The following LRP4 variants were observed in gnomAD, a reference collection of about 807,000 sequenced individuals.
LRP4 encodes the protein LDL receptor related protein 4.
Under a neutral mutation model 220.3 loss-of-function variants are expected in LRP4, and 95 were observed. That is an observed-to-expected ratio of 0.43 (90% CI 0.37 to 0.51). LRP4 has a LOEUF of 0.51. Among genes scored for constraint, LRP4 ranks in the 20% least tolerant of loss-of-function variants. LRP4 has a pLI of 0.00. For synonymous variants in LRP4, 903 were observed against 954.6 expected, an observed-to-expected ratio of 0.95 and a Z score of 1.00; for missense variants, 1,925 against 2,567.0, an observed-to-expected ratio of 0.75 and a Z score of 5.40.
In LRP4 at chr11:46,873,392, A is replaced by G. The variant is rs1465267019; in HGVS notation, c.4431T>C (p.Ala1477=). The G allele has an allele frequency of 1.9e-6, 3 of 1,614,192 alleles. No homozygotes were observed. Among genetic ancestry groups the G allele is most frequent in the South Asian group, 1.1e-5 (1 of 91,080 alleles). ...AAACTTACCCCTTCCTGGGGAAAAC[A>G]GCAATGGCCCGGGGCTCATCCAGGC... ...NNSLDEPRAI[A]VFPRKGYLFW... Residue 1477 remains alanine (A), a synonymous_variant, in exon 29 of 38, where the codon GCT becomes GCC. Transcript: ENST00000378623. The surrounding 1 kb of genome is among the most constrained non-coding windows in gnomAD (Gnocchi z 4.2).
At chr11:46,907,288 C>T (rs1008669590) in intron 1 of LRP4, among the ~76,000 whole-genome samples, 1 of 152,160 alleles carries the variant, frequency 6.6e-6, no homozygotes, top group African/African-American at 2.4e-5. Context: ...AAGGTCTGTC[C>T]GCAAGGTATC....
chr11:46,909,575 G>A (rs1326427360), intron 1 of LRP4, among the ~76,000 whole-genome samples: 1 of 99,912 alleles, frequency 1.0e-5, no homozygotes, highest in Non-Finnish European at 1.8e-5. Context: ...ACTGCAGTCC[G>A]CAGTCCGGCC....
rs1195710420 is a variant in LRP4, at chr11:46,896,250, G to T, written c.1008C>A (p.Asp336Glu). ...GQRKLCNGVN[D>E]CGDNSDESPQ... ...GGCTTTCGTCGCTGTTGTCACCACAGTCGTTGACCCCGTTGCACAGCTTCC... is the reference window on the plus strand; with the variant it reads ...GGCTTTCGTCGCTGTTGTCACCACATTCGTTGACCCCGTTGCACAGCTTCC... Residue 336 changes from aspartate (D) to glutamate (E), a missense_variant, in exon 9 of 38, where the codon GAC (aspartate) becomes GAA (glutamate). Asp to Glu is a conservative substitution (Grantham distance 45). This residue lies in a region of LRP4 where 412 missense variants were observed against 505.4 expected (regional missense o/e 0.82). Transcript: ENST00000378623. The T allele has an allele frequency of 6.2e-7, 1 of 1,614,166 alleles. No homozygotes were observed. Among genetic ancestry groups the T allele is most frequent in the Admixed American group, 1.7e-5 (1 of 60,030 alleles).
At chr11:46,891,262 C>T (rs933196206) in intron 13 of LRP4, among the ~76,000 whole-genome samples, 5 of 151,632 alleles carry the variant, frequency 3.3e-5, no homozygotes, top group African/African-American at 7.3e-5. Context: ...TACAGGCACC[C>T]GCCACCATGC....
intron 1 of LRP4, among the ~76,000 whole-genome samples, chr11:46,905,324 T>C (rs1401881993): frequency 6.6e-6 from 1 of 152,326 alleles, no homozygotes; most frequent in African/African-American, 2.4e-5. Flanking sequence ...TCTAGCTGGA[T>C]TGAACAGCAA....
Position 46,858,825 on chromosome 11 carries a change from CGTG to C in LRP4, c.*155_*157del. 1 of 721,596 alleles carries C rather than the reference CGTG, an allele frequency of 1.4e-6. No homozygotes were observed. Among genetic ancestry groups the C allele is most frequent in the South Asian group, 1.5e-5 (1 of 66,692 alleles). The allele number at this position is 721,596 out of a possible 1,614,324, so 44.7% of individuals were successfully genotyped here. A position where few individuals can be genotyped will look rare whatever the true frequency, so the allele number is the denominator to read the frequency against. ...TTGTGCACAGGTAGTTATGGACTCA[CGTG>C]GTAAACAGCTCCGGTGAAGGCTTAG... On this transcript the variant is annotated 3_prime_UTR_variant, in exon 38 of 38. Coordinates refer to ENST00000378623, the MANE Select transcript of LRP4 (RefSeq NM_002334.4).
At position 46,871,439 on chromosome 11, in the gene LRP4, G is replaced by A. The variant is rs73458040; in HGVS notation, c.4692+86C>T. The A allele has an allele frequency of 4.2e-4, 392 of 922,616 alleles. No homozygotes were observed. In the African/African-American group the frequency reaches 5.8e-3, roughly 14 times the overall value. The allele number at this position is 922,616 out of a possible 1,614,324, so 57.2% of individuals were successfully genotyped here. ...GCTGCAATAGCACGTCTGTTCAGTAGCAGCTATAGCTGAGACTGCTGACTT... is the reference window on the plus strand; with the variant it reads ...GCTGCAATAGCACGTCTGTTCAGTAACAGCTATAGCTGAGACTGCTGACTT... On this transcript the variant is annotated intron_variant, in intron 31 of 37. Transcript: ENST00000378623.
rs1185751959 is a variant in LRP4 at position 46,893,017 on chromosome 11, C to T, written c.1653G>A (p.Gln551=). ...DGAHRKVLLW[Q]NLEKPRAIAL... ...CAATGGCCCGGGGCTTCTCCAGGTTCTGCCACAGCAACACTTTCCGGTGGG... is the reference window on the plus strand; with the variant it reads ...CAATGGCCCGGGGCTTCTCCAGGTTTTGCCACAGCAACACTTTCCGGTGGG... The change falls in exon 13 of 38, where the codon CAG becomes CAA. Residue 551 remains glutamine, a synonymous_variant. Coordinates refer to ENST00000378623, the MANE Select transcript of LRP4 (RefSeq NM_002334.4). 3.1e-6 allele frequency: 5 copies of T among 1,614,076 alleles called. No individual in the cohort carries two copies. The South Asian group carries it at 5.5e-5, about 18-fold the overall frequency.
chr11:46,918,280 T>C lies in LRP4; in HGVS notation c.52+48A>G. The C allele has an allele frequency of 6.7e-7, 1 of 1,501,420 alleles. No individual in the cohort carries two copies. The highest frequency in any genetic ancestry group is 2.0e-5 in the Admixed American group (1 of 49,072). The allele number at this position is 1,501,420 out of a possible 1,614,324, so 93.0% of individuals were successfully genotyped here. Reference sequence around the variant, plus strand: ...CGTCCAGGTCCCGGGAGGCGAGTCCTGCAGCGGCCGGACCCAGGGACAAAC... The same window carrying C: ...CGTCCAGGTCCCGGGAGGCGAGTCCCGCAGCGGCCGGACCCAGGGACAAAC... On this transcript the variant is annotated intron_variant, in intron 1 of 37. Coordinates refer to ENST00000378623, the MANE Select transcript of LRP4 (RefSeq NM_002334.4). This position sits in a 1 kb window ranked among gnomAD's most constrained non-coding sequence, Gnocchi z 6.0.
chr11:46,878,795 C>G (rs758535488), intron 22 of LRP4, 112 bp downstream of exon 22: 4 of 1,488,694 alleles, frequency 2.7e-6, no homozygotes, highest in Non-Finnish European at 3.7e-6. Context: ...CCTCTAGAAG[C>G]AGCAGGACTC....
At position 46,900,910 on chromosome 11, in the gene LRP4, C is replaced by T. The variant is rs376052436; in HGVS notation, c.200-532G>A. On this transcript the variant is annotated intron_variant, in intron 2 of 37. Transcript: ENST00000378623. ...CAAGGAATTCTCATGCCTCAGCCTCCCGAGTAGCTGGTGTTACAGGTGCCC... is the reference window on the plus strand; with the variant it reads ...CAAGGAATTCTCATGCCTCAGCCTCTCGAGTAGCTGGTGTTACAGGTGCCC... Among the ~76,000 whole-genome samples the T allele has an allele frequency of 1.1e-4, 16 of 152,228 alleles. No individual in the cohort carries two copies. The East Asian group carries it at 3.1e-3, about 29-fold the overall frequency.
chr11:46,895,578 C>T (rs1477632147), intron 10 of LRP4, among the ~76,000 whole-genome samples: 4 of 151,972 alleles, frequency 2.6e-5, no homozygotes, highest in African/African-American at 9.7e-5. Flanking sequence ...GAGGCTCCAT[C>T]TCAAAAAAAT....
rs774595249 is a variant in LRP4 at position 46,864,477 on chromosome 11, C to A, written c.5214G>T (p.Leu1738Phe). 2 of 1,613,862 alleles carry A rather than the reference C, an allele frequency of 1.2e-6. No individual in the cohort carries two copies. The highest frequency in any genetic ancestry group is 1.1e-5 in the South Asian group (1 of 91,066). ...ACAGCATCAAAGCTGCAATCACCAC[C>A]AAAATCAGCAGAATACTGAGGAGTC... The part of the protein sequence containing the change: ...IGGLLSILLI[L>F]VVIAALMLYR... Residue 1738 changes from leucine to phenylalanine, a missense_variant, in exon 36 of 38, where the codon TTG becomes TTT. Coordinates refer to ENST00000378623, the MANE Select transcript of LRP4 (RefSeq NM_002334.4).
chr11:46,873,729 T>G lies in LRP4; in HGVS notation c.4230-136A>C. ...TAGAGACCAGGTATCTATGAGTACATTCCTCAGCACCCAGCATGATAGATG... is the reference window on the plus strand; with the variant it reads ...TAGAGACCAGGTATCTATGAGTACAGTCCTCAGCACCCAGCATGATAGATG... On this transcript the variant is annotated intron_variant, in intron 28 of 37. Transcript: ENST00000378623. This position sits in a 1 kb window ranked among gnomAD's most constrained non-coding sequence, Gnocchi z 4.2. 1 of 647,824 alleles carries G rather than the reference T, an allele frequency of 1.5e-6. No individual in the cohort carries two copies. The allele number at this position is 647,824 out of a possible 1,614,324, so 40.1% of individuals were successfully genotyped here. A position where few individuals can be genotyped will look rare whatever the true frequency, so the allele number is the denominator to read the frequency against.
rs758905058 is a variant in LRP4 at position 46,890,953 on chromosome 11, A to G, written c.1698-459T>C. ...CTTTAGACAGGGCATTTATTCATTT[A>G]ATAATTTTTTTTTTCATACTGGCAA... On this transcript the variant is annotated intron_variant, in intron 13 of 37. Coordinates refer to ENST00000378623, the MANE Select transcript of LRP4 (RefSeq NM_002334.4). This position sits in a 1 kb window ranked among gnomAD's most constrained non-coding sequence, Gnocchi z 5.3. Among the ~76,000 whole-genome samples, 1 of 151,770 alleles carries G rather than the reference A, an allele frequency of 6.6e-6. No homozygotes were observed. The highest frequency in any genetic ancestry group is 1.5e-5 in the Non-Finnish European group (1 of 67,976).
intron 37 of LRP4, among the ~76,000 whole-genome samples, chr11:46,860,196 C>T (rs1241634436): frequency 1.3e-5 from 2 of 149,110 alleles, no homozygotes; most frequent in Non-Finnish European, 3.0e-5. Flanking sequence ...GATCATGCCA[C>T]TGCACTCCAG....
Position 46,864,521 on chromosome 11 carries a change from T to C in LRP4, c.5170A>G (p.Ile1724Val). Residue 1724 changes from isoleucine (I) to valine (V), a missense_variant, in exon 36 of 38, where the codon ATC (isoleucine) becomes GTC (valine). Ile to Val is a conservative substitution (Grantham distance 29, BLOSUM62 3). Coordinates refer to ENST00000378623, the MANE Select transcript of LRP4 (RefSeq NM_002334.4). ...AGGAGTCCACCAATGGCGTAGCTGA[T>C]ATGAAGTCCTTCCCCTAGGAAGAAT... ...VPAAPGEGLH[I>V]SYAIGGLLSI... is the part of the protein sequence containing the mutation. 6.2e-7 allele frequency: 1 copy of C among 1,612,424 alleles called. No homozygotes were observed. The highest frequency in any genetic ancestry group is 8.5e-7 in the Non-Finnish European group (1 of 1,178,510).
chr11:46,888,501 C>T (rs1044528084), intron 16 of LRP4, among the ~76,000 whole-genome samples: 4 of 119,392 alleles, frequency 3.4e-5, no homozygotes, highest in African/African-American at 6.3e-5. Flanking sequence ...TGTGGTGAGC[C>T]GAGACTGTGC....
rs377543577 is a variant in LRP4 at position 46,878,897 on chromosome 11, T to C, written c.3136+10A>G. On this transcript the variant is annotated intron_variant, in intron 22 of 37. Coordinates refer to ENST00000378623, the MANE Select transcript of LRP4 (RefSeq NM_002334.4). ...GAGGCTGCATCTAGATCTGTGATGC[T>C]TTCACTCACCTGGTGAGCAGGTCTT... is the stretch of plus-strand genomic sequence containing the variant. The C allele has an allele frequency of 1.1e-5, 17 of 1,613,944 alleles. No homozygotes were observed. The highest frequency in any genetic ancestry group is 2.2e-5 in the East Asian group (1 of 44,900).
Sources: allele counts gnomAD v4.1 joint callset (sites outside exome capture counted in the v4.1 genomes callset), GRCh38; gene constraint gnomAD v4.1.1; regional missense constraint gnomAD v4.1.1; non-coding constraint Gnocchi (gnomAD v3.1); transcripts MANE v1.5; gene names NCBI Gene and HGNC (gene_info 2026-07-23, HGNC 2026-07-21).